The following BTD variants were observed in gnomAD, a reference collection of about 807,000 sequenced individuals.
BTD encodes biocytinase.
BTD carries 13 observed loss-of-function variants against 17.7 expected under a neutral mutation model. That is an observed-to-expected ratio of 0.74 (90% confidence interval 0.48 to 1.17). BTD has a LOEUF of 1.17. Among genes scored for constraint, BTD ranks in the 50% most tolerant of loss-of-function variants. The probability of loss-of-function intolerance (pLI) is 0.00; values close to 1 mark genes in which losing one functional copy is unlikely to be tolerated. For missense variants in BTD, 674 were observed against 650.4 expected, an observed-to-expected ratio of 1.04 and a Z score of -0.39; for synonymous variants, 240 against 245.2, an observed-to-expected ratio of 0.98 and a Z score of 0.20.
At chr3:15,661,265 C>CAAAAAAAAAAAAAAAAA (rs56165902) in intron 3 of BTD, among the ~76,000 whole-genome samples, 2 of 93,778 alleles carry the variant, frequency 2.1e-5, no homozygotes, top group Non-Finnish European at 2.0e-5. Flanking sequence ...GACTCTGTCT[C>CAAAAAAAAAAAAAAAAA]AAAAAAAAAA....
At chr3:15,667,104 A>G (rs1211302106) in intron 3 of BTD, 1 of 152,240 alleles carries the variant, frequency 6.6e-6, no homozygotes, top group Non-Finnish European at 1.5e-5. Flanking sequence ...CCATATAGAT[A>G]GGTTCATTTA....
chr3:15,620,577 A>T (rs1263839251), intron 1 of BTD, among the ~76,000 whole-genome samples: 1 of 152,226 alleles, frequency 6.6e-6, no homozygotes, highest in African/African-American at 2.4e-5. Context: ...ATGTTTTACA[A>T]TCAATTTGTA....
At chr3:15,678,169 A>G (rs2067153207) in intron 3 of BTD, 2 of 1,557,300 alleles carry the variant, frequency 1.3e-6, no homozygotes, top group Non-Finnish European at 1.7e-6. Context: ...TAAGTGATAC[A>G]CATACTTAGG....
chr3:15,639,791 G>A (rs1480237321), intron 2 of BTD, among the ~76,000 whole-genome samples: 1 of 152,212 alleles, frequency 6.6e-6, no homozygotes, highest in African/African-American at 2.4e-5. Flanking sequence ...AAAGCAGTTT[G>A]GCAGTGTGTG....
intron 3 of BTD, among the ~76,000 whole-genome samples, chr3:15,703,502 A>C (rs981784716): frequency 1.3e-5 from 2 of 152,210 alleles, no homozygotes; most frequent in African/African-American, 4.8e-5. Flanking sequence ...AAGAGCTCTC[A>C]TTCCTTCTAC....
In BTD at chr3:15,648,110, G is replaced by A. The variant is rs1401928120; in HGVS notation, c.*2622G>A. On this transcript the variant is annotated 3_prime_UTR_variant, in exon 4 of 4. Transcript: ENST00000643237. ...CCCAGCCCAAGGCCAGCCAATCAGA[G>A]CACTGGCTAGTAGCCCAGGAGGTGT... Among the ~76,000 whole-genome samples, 2 of 152,186 alleles carry A rather than the reference G, an allele frequency of 1.3e-5. No individual in the cohort carries two copies. Among genetic ancestry groups the A allele is most frequent in the Non-Finnish European group, 2.9e-5 (2 of 68,042 alleles).
At chr3:15,657,833 A>C (rs2065885899), downstream of BTD, among the ~76,000 whole-genome samples, 1 of 151,982 alleles carries the variant, frequency 6.6e-6, no homozygotes, top group East Asian at 1.9e-4. Flanking sequence ...CTGAAAAAAA[A>C]AAAAGAGTAC....
intron 3 of BTD, among the ~76,000 whole-genome samples, chr3:15,678,823 A>G (rs1177926890): frequency 6.6e-6 from 1 of 152,242 alleles, no homozygotes; most frequent in Non-Finnish European, 1.5e-5. Context: ...TAAAATCTAT[A>G]AATAGAAAAA....
intron 3 of BTD, among the ~76,000 whole-genome samples, chr3:15,682,194 C>A (rs2125716824): frequency 6.6e-6 from 1 of 152,088 alleles, no homozygotes; most frequent in Middle Eastern, 3.4e-3. Context: ...AAATAGTTTT[C>A]ATAAAAAAAG....
chr3:15,649,467 GC>G lies in BTD; in HGVS notation c.*3980del, dbSNP rs2065765363. On this transcript the variant is annotated 3_prime_UTR_variant, in exon 4 of 4. Coordinates refer to ENST00000643237, the MANE Select transcript of BTD (RefSeq NM_001370658.1). ...CATCCTGCAGGTGGGCTGCCACTCT[GC>G]TCAATCCAAATCACAGCTCTCCCGT... is the stretch of plus-strand genomic sequence containing the variant. Among the ~76,000 whole-genome samples the G allele has an allele frequency of 6.6e-6, 1 of 152,200 alleles. No homozygotes were observed. Among genetic ancestry groups the G allele is most frequent in the South Asian group, 2.1e-4 (1 of 4,828 alleles).
intron 1 of BTD, among the ~76,000 whole-genome samples, chr3:15,607,246 A>G (rs1034525437): frequency 3.3e-5 from 5 of 152,204 alleles, no homozygotes; most frequent in Admixed American, 1.3e-4. Context: ...GAGGAAGTCA[A>G]AGGATGAATA....
At chr3:15,713,489 T>A (rs577430589), downstream of BTD, 86 of 1,515,962 alleles carry the variant, frequency 5.7e-5, 1 homozygote, top group South Asian at 9.2e-4. Context: ...CCTTTGTGCT[T>A]GCCTGTATCA....
At chr3:15,696,364 T>C (rs1575202551) in intron 3 of BTD, 13 of 608,736 alleles carry the variant, frequency 2.1e-5, no homozygotes, top group Non-Finnish European at 8.4e-6. Context: ...ATAAAAATCA[T>C]AAATGTATTA....
chr3:15,703,138 T>C (rs1488507502), intron 3 of BTD, among the ~76,000 whole-genome samples: 1 of 152,178 alleles, frequency 6.6e-6, no homozygotes, highest in Non-Finnish European at 1.5e-5. Flanking sequence ...ATATATCTTC[T>C]ATATACCAAC....
At chr3:15,661,000 T>G (rs2065915845) in intron 3 of BTD, among the ~76,000 whole-genome samples, 1 of 151,970 alleles carries the variant, frequency 6.6e-6, no homozygotes, top group Non-Finnish European at 1.5e-5. Flanking sequence ...GCATGGTGGG[T>G]CATGCCTGTA....
chr3:15,707,991 C>T (rs777128523), intron 3 of BTD: 1 of 1,612,106 alleles, frequency 6.2e-7, no homozygotes, highest in South Asian at 1.1e-5. Flanking sequence ...AGGTCATTCA[C>T]ACTTGCTCCT....
chr3:15,667,289 T>C (rs1196873403), intron 3 of BTD: 4 of 152,164 alleles, frequency 2.6e-5, no homozygotes, highest in Non-Finnish European at 4.4e-5. Flanking sequence ...TAAGCCAAAT[T>C]AACCCCAAAA....
At chr3:15,675,621 G>T (rs2066857499) in intron 3 of BTD, among the ~76,000 whole-genome samples, 1 of 152,140 alleles carries the variant, frequency 6.6e-6, no homozygotes, top group Admixed American at 6.5e-5. Flanking sequence ...TTTGCTGAAA[G>T]AACAAAATCT....
chr3:15,645,317 G>T lies in BTD; in HGVS notation c.1401G>T (p.Trp467Cys). 1 of 1,614,164 alleles carries T rather than the reference G, an allele frequency of 6.2e-7. No individual in the cohort carries two copies. The highest frequency in any genetic ancestry group is 8.5e-7 in the Non-Finnish European group (1 of 1,180,034). Reference protein sequence around the residue: ...EATGIFEFHLWGNFSTSYIFP... With the variant: ...EATGIFEFHLCGNFSTSYIFP... Reference sequence around the variant, plus strand: ...CGGGGATATTTGAGTTTCACCTGTGGGGCAACTTCAGTACTTCCTATATCT... The same window carrying T: ...CGGGGATATTTGAGTTTCACCTGTGTGGCAACTTCAGTACTTCCTATATCT... Residue 467 changes from tryptophan to cysteine, a missense_variant, in exon 4 of 4, where the codon TGG (tryptophan) becomes TGT (cysteine). Transcript: ENST00000643237.
Sources: allele counts gnomAD v4.1 joint callset (sites outside exome capture counted in the v4.1 genomes callset), GRCh38; gene constraint gnomAD v4.1.1; transcripts MANE v1.5; gene names NCBI Gene and HGNC (gene_info 2026-07-23, HGNC 2026-07-21).